Variants in RASAL2 observed in about 807,000 individuals in gnomAD.
RASAL2 encodes ras GTPase-activating protein nGAP.
Under a neutral mutation model 128.9 loss-of-function variants are expected in RASAL2, and 58 were observed. The observed-to-expected ratio is 0.45, with a 90% CI of 0.36 to 0.56. The LOEUF (loss-of-function observed/expected upper bound fraction) is 0.56, where lower values mean the gene tolerates loss of function less well. RASAL2 is among the 20% of genes least tolerant of loss of function. RASAL2 has a pLI of 0.00. For missense variants in RASAL2, 1,360 were observed against 1,601.6 expected (o/e 0.85, Z 2.57); for synonymous variants, 561 against 580.8 (o/e 0.97, Z 0.49).
chr1:178,456,267 A>T (rs1450973042), intron 12 of RASAL2, among the ~76,000 whole-genome samples: 1 of 152,022 alleles, frequency 6.6e-6, no homozygotes, highest in African/African-American at 2.4e-5. Context: ...TTCTCACATG[A>T]TCCCTTTTCT....
intron 3 of RASAL2, among the ~76,000 whole-genome samples, chr1:178,340,919 G>C (rs1426212885): frequency 2.0e-5 from 3 of 152,074 alleles, no homozygotes; most frequent in Non-Finnish European, 4.4e-5. Context: ...AAAAAATGAA[G>C]TTCTAGCCTA....
At chr1:178,162,810 A>G (rs1661379992) in intron 1 of RASAL2, among the ~76,000 whole-genome samples, 1 of 149,856 alleles carries the variant, frequency 6.7e-6, no homozygotes, top group African/African-American at 2.5e-5. Flanking sequence ...CAGGTCTTGA[A>G]CTCCTGACCT....
At chr1:178,347,967 A>T (rs112284804) in intron 3 of RASAL2, among the ~76,000 whole-genome samples, 3 of 152,266 alleles carry the variant, frequency 2.0e-5, no homozygotes, top group Non-Finnish European at 4.4e-5. Flanking sequence ...CTATACAGCA[A>T]TGAAAAAGAA....
intron 4 of RASAL2, among the ~76,000 whole-genome samples, chr1:178,413,996 A>G (rs1674586316): frequency 6.6e-6 from 1 of 152,216 alleles, no homozygotes; most frequent in African/African-American, 2.4e-5. Flanking sequence ...CAGAAAAAAC[A>G]AAAACAGAAC....
intron 14 of RASAL2, among the ~76,000 whole-genome samples, chr1:178,460,344 G>C (rs372308576): frequency 5.9e-5 from 9 of 152,152 alleles, no homozygotes; most frequent in African/African-American, 9.6e-5. Context: ...CTGTATCATG[G>C]AGGGCCTATG....
intron 1 of RASAL2, among the ~76,000 whole-genome samples, chr1:178,197,272 A>G (rs917703181): frequency 6.6e-6 from 1 of 152,188 alleles, no homozygotes; most frequent in African/African-American, 2.4e-5. Context: ...CCTGACCAAC[A>G]TGGTGAAACC....
intron 3 of RASAL2, among the ~76,000 whole-genome samples, chr1:178,309,877 A>G (rs1330586298): frequency 1.3e-5 from 2 of 151,500 alleles, no homozygotes; most frequent in African/African-American, 4.9e-5. Flanking sequence ...AAGGAGGGTT[A>G]TTTAAAAGCG....
At chr1:178,260,397 T>A (rs867335334) in intron 1 of RASAL2, among the ~76,000 whole-genome samples, 975 of 72,484 alleles carry the variant, frequency 0.013, 210 homozygotes, top group African/African-American at 0.035. Flanking sequence ...TATATATATA[T>A]ATATATATAT....
chr1:178,212,288 C>T lies in RASAL2; in HGVS notation c.203-71276C>T, dbSNP rs1663280070. On this transcript the variant is annotated intron_variant, in intron 1 of 17. Transcript: ENST00000367649. The stretch of plus-strand genomic sequence containing the variant: ...TAAGGAATGAATTACAAAGAATTCC[C>T]AAACACAAAATGTAATGAACTATAA... Among the ~76,000 whole-genome samples the T allele has an allele frequency of 8.5e-5, 13 of 152,226 alleles. No homozygotes were observed. The South Asian group carries it at 2.7e-3, about 32-fold the overall frequency.
chr1:178,230,091 CATA>C (rs1451977705), intron 1 of RASAL2, among the ~76,000 whole-genome samples: 1 of 151,880 alleles, frequency 6.6e-6, no homozygotes, highest in African/African-American at 2.4e-5. Flanking sequence ...CTTTTTTTGG[CATA>C]ATATCTGTGA....
intron 4 of RASAL2, among the ~76,000 whole-genome samples, chr1:178,399,358 A>G (rs1246122187): frequency 3.8e-5 from 5 of 131,324 alleles, no homozygotes; most frequent in Non-Finnish European, 6.4e-5. Flanking sequence ...AGAAACCACA[A>G]CTGTGTTTGG....
intron 4 of RASAL2, among the ~76,000 whole-genome samples, chr1:178,397,854 A>G (rs1673348034): frequency 6.6e-6 from 1 of 151,590 alleles, no homozygotes; most frequent in Non-Finnish European, 1.5e-5. Context: ...GGGCTCAAGC[A>G]GTCATCCTGC....
intron 3 of RASAL2, among the ~76,000 whole-genome samples, chr1:178,347,666 A>G (rs1381826318): frequency 6.6e-6 from 1 of 152,240 alleles, no homozygotes; most frequent in Non-Finnish European, 1.5e-5. Context: ...CCAAATGTTG[A>G]TAAGTATCTG....
intron 4 of RASAL2, among the ~76,000 whole-genome samples, chr1:178,414,654 C>G (rs1674637360): frequency 1.3e-5 from 2 of 152,124 alleles, no homozygotes; most frequent in Admixed American, 1.3e-4. Flanking sequence ...TATCTTCTAT[C>G]TTCTGAAAGA....
At chr1:178,331,738 C>T (rs1669325605) in intron 3 of RASAL2, among the ~76,000 whole-genome samples, 1 of 151,880 alleles carries the variant, frequency 6.6e-6, no homozygotes, top group Non-Finnish European at 1.5e-5. Context: ...GGGCGCCCAC[C>T]ACCACGCCTG....
At chr1:178,278,989 A>ATAT (rs1199199386) in intron 1 of RASAL2, among the ~76,000 whole-genome samples, 1 of 152,186 alleles carries the variant, frequency 6.6e-6, no homozygotes, top group Admixed American at 6.5e-5. Flanking sequence ...TTCTAAATTT[A>ATAT]TATTAGCATT....
At chr1:178,457,644 T>G in intron 13 of RASAL2, 39 bp from the exon 14 acceptor site, 1 of 1,586,126 alleles carries the variant, frequency 6.3e-7, no homozygotes, top group Non-Finnish European at 8.6e-7. Context: ...ATGTTGAAGT[T>G]GTCTCAAGAG....
Position 178,278,473 on chromosome 1 carries a change from C to T in RASAL2, c.203-5091C>T, listed in dbSNP as rs1666628973. On this transcript the variant is annotated intron_variant, in intron 1 of 17. Transcript: ENST00000367649. ...CCCTAGCTGCCTGCCTGACCAGTTTCTTCTTTCTCCTCTCAATAGGTTCAT... is the reference window on the plus strand; with the variant it reads ...CCCTAGCTGCCTGCCTGACCAGTTTTTTCTTTCTCCTCTCAATAGGTTCAT... Among the ~76,000 whole-genome samples the T allele has an allele frequency of 1.3e-5, 2 of 152,158 alleles. 1 individual carries two copies. The highest frequency in any genetic ancestry group is 4.1e-4 in the South Asian group (2 of 4,830).
At chr1:178,285,523 C>G (rs1432052001) in intron 2 of RASAL2, among the ~76,000 whole-genome samples, 4 of 152,126 alleles carry the variant, frequency 2.6e-5, no homozygotes, top group Admixed American at 1.3e-4. Context: ...TTATCATCTC[C>G]CTACCTGTAA....
Sources: allele counts gnomAD v4.1 joint callset (sites outside exome capture counted in the v4.1 genomes callset), GRCh38; gene constraint gnomAD v4.1.1; transcripts MANE v1.5; gene names NCBI Gene and HGNC (gene_info 2026-07-23, HGNC 2026-07-21).